TNPO3: variants seen among roughly 807,000 people sequenced by gnomAD.
The protein encoded by TNPO3 is transportin 3.
A neutral mutation model predicts 122.8 loss-of-function variants in TNPO3; 65 were observed. That is an observed-to-expected ratio of 0.53 (90% CI 0.43 to 0.65). The LOEUF (loss-of-function observed/expected upper bound fraction) is 0.65. Among genes scored for constraint, TNPO3 ranks in the 30% least tolerant of loss-of-function variants. The pLI, the probability that TNPO3 is intolerant of heterozygous loss-of-function variation, is 0.00. For synonymous variants in TNPO3, 372 were observed against 411.2 expected (o/e 0.90, Z 1.15); for missense variants, 850 against 1,136.7 (o/e 0.75, Z 3.63).
chr7:128,969,144 G>A (rs1798208609), intron 20 of TNPO3, among the ~76,000 whole-genome samples: 1 of 152,144 alleles, frequency 6.6e-6, no homozygotes, highest in Admixed American at 6.5e-5. Flanking sequence ...AATCAAGAAT[G>A]TTTTCATAAA....
intron 1 of TNPO3, among the ~76,000 whole-genome samples, chr7:129,041,212 T>A (rs552529387): frequency 1.3e-5 from 2 of 152,128 alleles, no homozygotes; most frequent in African/African-American, 4.8e-5. Flanking sequence ...AAAAAAAATT[T>A]AAAAATCAGC....
intron 1 of TNPO3, chr7:129,028,821 T>C (rs1469930354): frequency 4.0e-6 from 1 of 251,062 alleles, no homozygotes; most frequent in Non-Finnish European, 7.8e-6. Context: ...TGTGAGAAGC[T>C]GGAAATATTT....
chr7:129,026,394 A>T (rs1805172931), intron 1 of TNPO3, among the ~76,000 whole-genome samples: 1 of 94,698 alleles, frequency 1.1e-5, no homozygotes, highest in African/African-American at 4.4e-5. Flanking sequence ...TGACGTTTGA[A>T]TTTTTTTTTT....
Position 128,961,755 on chromosome 7 carries a change from T to C in TNPO3, c.2712-4440A>G, listed in dbSNP as rs556630866. ...ACTAGAGGAGTGCTGAGAAATGAGA[T>C]CCTTTTGATCCGATGACCTGGTAGG... On this transcript the variant is annotated intron_variant, in intron 21 of 22. Transcript: ENST00000265388. Among the ~76,000 whole-genome samples the C allele has an allele frequency of 2.6e-5, 4 of 152,278 alleles. No individual in the cohort carries two copies. The South Asian group carries it at 6.2e-4, about 24-fold the overall frequency.
At chr7:129,031,688 T>C (rs1438977875) in intron 1 of TNPO3, among the ~76,000 whole-genome samples, 1 of 152,156 alleles carries the variant, frequency 6.6e-6, no homozygotes, top group Non-Finnish European at 1.5e-5. Context: ...TTCTACTCAT[T>C]CTATGAGACA....
At chr7:128,971,404 C>T (rs985074010) in intron 19 of TNPO3, among the ~76,000 whole-genome samples, 2 of 152,190 alleles carry the variant, frequency 1.3e-5, no homozygotes, top group African/African-American at 4.8e-5. Flanking sequence ...CCTTGGCCTC[C>T]CAAAGTGCTG....
chr7:128,999,060 T>C (rs937759441), intron 7 of TNPO3, among the ~76,000 whole-genome samples: 1 of 151,762 alleles, frequency 6.6e-6, no homozygotes, highest in Non-Finnish European at 1.5e-5. Context: ...ATCATGTTGG[T>C]CAGGCTGGTC....
chr7:128,998,501 C>T (rs932549584), intron 7 of TNPO3, among the ~76,000 whole-genome samples: 2 of 151,944 alleles, frequency 1.3e-5, no homozygotes, highest in South Asian at 2.1e-4. Flanking sequence ...GGACTACAGG[C>T]GCTTGCCACC....
intron 4 of TNPO3, among the ~76,000 whole-genome samples, chr7:129,014,626 T>C (rs1803622734): frequency 1.3e-5 from 2 of 152,194 alleles, no homozygotes; most frequent in South Asian, 2.1e-4. Context: ...TTATACACAC[T>C]TCCCTTTGCA....
intron 1 of TNPO3, among the ~76,000 whole-genome samples, chr7:129,044,221 C>A (rs1378965342): frequency 6.6e-6 from 1 of 152,230 alleles, no homozygotes; most frequent in African/African-American, 2.4e-5. Flanking sequence ...AGCCACTGCG[C>A]CTGGCCTTTT....
intron 14 of TNPO3, among the ~76,000 whole-genome samples, chr7:128,981,730 CTT>C (rs767733981): frequency 2.5e-4 from 35 of 138,108 alleles, no homozygotes; most frequent in Admixed American, 3.6e-4. Flanking sequence ...TTTAAAGAGT[CTT>C]TTTTTTTTTT....
chr7:128,985,339 T>C (rs1191616851), intron 12 of TNPO3, among the ~76,000 whole-genome samples: 1 of 152,206 alleles, frequency 6.6e-6, no homozygotes, highest in Non-Finnish European at 1.5e-5. Flanking sequence ...TCATGCCTGG[T>C]ATCTCAGCAC....
intron 1 of TNPO3, among the ~76,000 whole-genome samples, chr7:129,020,512 C>T (rs934029107): frequency 5.3e-5 from 8 of 152,226 alleles, no homozygotes; most frequent in Non-Finnish European, 1.2e-4. Flanking sequence ...ACGATCTCAG[C>T]TCATTGCAGC....
intron 21 of TNPO3, among the ~76,000 whole-genome samples, chr7:128,964,852 T>C (rs1320759847): frequency 1.3e-5 from 2 of 152,144 alleles, no homozygotes; most frequent in Non-Finnish European, 2.9e-5. Context: ...AAGGACAGTC[T>C]TTTCAACAAA....
At chr7:129,031,146 T>C (rs1357269396) in intron 1 of TNPO3, among the ~76,000 whole-genome samples, 6 of 151,890 alleles carry the variant, frequency 4.0e-5, no homozygotes, top group Non-Finnish European at 8.8e-5. Flanking sequence ...AATAAATAAA[T>C]AAACTAGCCA....
intron 1 of TNPO3, among the ~76,000 whole-genome samples, chr7:129,019,155 A>C (rs1409853817): frequency 6.6e-6 from 1 of 152,250 alleles, no homozygotes; most frequent in South Asian, 2.1e-4. Context: ...TCTAGTAGCC[A>C]GTCACAATTA....
chr7:129,028,432 C>A (rs1029575847), intron 1 of TNPO3, among the ~76,000 whole-genome samples: 1 of 152,070 alleles, frequency 6.6e-6, no homozygotes, highest in Admixed American at 6.5e-5. Flanking sequence ...AATCAACAAC[C>A]TAATTTTATG....
Position 128,980,901 on chromosome 7 carries a change from T to G in TNPO3, c.1860-870A>C, listed in dbSNP as rs147439088. On this transcript the variant is annotated intron_variant, in intron 14 of 22. Transcript: ENST00000265388. Reference sequence around the variant, plus strand: ...TGTTGTAGTTCTAGTTTGAATCCAATGTACTTTCCACAATCAGTCAAATAC... The same window carrying G: ...TGTTGTAGTTCTAGTTTGAATCCAAGGTACTTTCCACAATCAGTCAAATAC... Among the ~76,000 whole-genome samples, 5 of 152,280 alleles carry G rather than the reference T, an allele frequency of 3.3e-5. No homozygotes were observed. The East Asian group carries it at 7.7e-4, about 24-fold the overall frequency.
At chr7:129,035,950 C>CTT (rs71162551) in intron 1 of TNPO3, among the ~76,000 whole-genome samples, 55 of 119,932 alleles carry the variant, frequency 4.6e-4, no homozygotes, top group Admixed American at 1.1e-3. Flanking sequence ...CTTTTCTTTT[C>CTT]TTTTTTTTTT....
Sources: allele counts gnomAD v4.1 joint callset (sites outside exome capture counted in the v4.1 genomes callset), GRCh38; gene constraint gnomAD v4.1.1; transcripts MANE v1.5; gene names NCBI Gene and HGNC (gene_info 2026-07-23, HGNC 2026-07-21).